The following USH2A variants were observed in gnomAD, a reference collection of about 807,000 sequenced individuals.
The protein encoded by USH2A is usherin, also known as Usher syndrome 2A (autosomal recessive, mild).
A neutral mutation model predicts 538.9 loss-of-function variants in USH2A; 443 were observed. The observed-to-expected ratio is 0.82, with a 90% CI of 0.76 to 0.89. The LOEUF (loss-of-function observed/expected upper bound fraction) is 0.89, where lower values mean the gene tolerates loss of function less well. Among genes scored for constraint, USH2A ranks in the 40% least tolerant of loss-of-function variants. The pLI is 0.00. For missense variants in USH2A, 6,633 were observed against 6,324.8 expected (o/e 1.05, Z -1.65); for synonymous variants, 2,413 against 2,273.5 (o/e 1.06, Z -1.75).
At chr1:216,013,346 GCC>G (rs1350784148) in intron 32 of USH2A, among the ~76,000 whole-genome samples, 1 of 151,040 alleles carries the variant, frequency 6.6e-6, no homozygotes, top group Admixed American at 6.6e-5. Flanking sequence ...GCTCGAAGCA[GCC>G]CTGAGAAACA....
At chr1:216,109,200 T>C (rs113771456) in intron 21 of USH2A, among the ~76,000 whole-genome samples, 140 of 152,328 alleles carry the variant, frequency 9.2e-4, no homozygotes, top group African/African-American at 3.2e-3. Context: ...GACTTTATCT[T>C]AGCAAAATTC....
intron 59 of USH2A, among the ~76,000 whole-genome samples, chr1:215,742,414 G>T (rs1385100850): frequency 1.3e-5 from 2 of 151,722 alleles, no homozygotes; most frequent in Non-Finnish European, 2.9e-5. Context: ...TAACATATAT[G>T]ATGAGATCAT....
At chr1:215,950,790 G>T (rs1297279767) in intron 37 of USH2A, among the ~76,000 whole-genome samples, 1 of 152,118 alleles carries the variant, frequency 6.6e-6, no homozygotes. Context: ...GTACAGGCAT[G>T]AGCCCCTGCA....
intron 6 of USH2A, among the ~76,000 whole-genome samples, 169 bp from the exon 7 acceptor site, chr1:216,324,521 C>A (rs1351084632): frequency 6.6e-6 from 1 of 152,048 alleles, no homozygotes; most frequent in East Asian, 1.9e-4. Context: ...GTAAAAGCAA[C>A]ATATTCTATA....
rs369544099 is a variant in USH2A, at chr1:215,675,290, G to A, written c.12621C>T (p.Ala4207=). Reference sequence around the variant, plus strand: ...ATTCTGTGAAAACAATTTTCTCGTCGGCCTGGATTGTCTGATTTCCCCAAG... The same window carrying A: ...ATTCTGTGAAAACAATTTTCTCGTCAGCCTGGATTGTCTGATTTCCCCAAG... The part of the protein sequence containing the change: ...GKAWGNQTIQ[A]DEKIVFTEYN... Residue 4207 remains alanine (A), a synonymous_variant, in exon 63 of 72, where the codon GCC becomes GCT. Transcript: ENST00000307340. 4.8e-5 allele frequency: 77 copies of A among 1,613,848 alleles called. No homozygotes were observed. In the Middle Eastern group the frequency reaches 4.9e-4, roughly 10 times the overall value.
intron 64 of USH2A, among the ~76,000 whole-genome samples, chr1:215,662,718 A>T (rs1385610011): frequency 6.6e-6 from 1 of 152,240 alleles, no homozygotes; most frequent in East Asian, 1.9e-4. Context: ...TGAGTCAGAC[A>T]ATATCAATAA....
chr1:216,335,360 A>T (rs2037948459), intron 4 of USH2A, among the ~76,000 whole-genome samples: 1 of 151,536 alleles, frequency 6.6e-6, no homozygotes, highest in Admixed American at 6.6e-5. Context: ...CAATAACCTA[A>T]TCTTCTACCT....
intron 5 of USH2A, 86 bp from the exon 6 acceptor site, chr1:216,325,685 G>T (rs142255865): frequency 9.8e-5 from 128 of 1,309,012 alleles, no homozygotes; most frequent in Non-Finnish European, 1.3e-4. Flanking sequence ...AATGTCACTC[G>T]TTTAGTGCTT....
chr1:216,101,341 A>G (rs1347607320), intron 21 of USH2A, among the ~76,000 whole-genome samples: 1 of 152,250 alleles, frequency 6.6e-6, no homozygotes, highest in Non-Finnish European at 1.5e-5. Flanking sequence ...GAATGGTAAC[A>G]TGCATAACTA....
chr1:215,712,269 A>G (rs1659357930), intron 61 of USH2A, among the ~76,000 whole-genome samples: 1 of 152,238 alleles, frequency 6.6e-6, no homozygotes, highest in South Asian at 2.1e-4. Context: ...ATTAAACATG[A>G]TTAGGTAAGG....
At chr1:216,153,729 C>G (rs931682235) in intron 21 of USH2A, among the ~76,000 whole-genome samples, 1 of 151,978 alleles carries the variant, frequency 6.6e-6, no homozygotes, top group Non-Finnish European at 1.5e-5. Context: ...GAAAAAAACC[C>G]TCAAAATAGG....
chr1:216,067,230 G>T (rs2031405393), intron 30 of USH2A, among the ~76,000 whole-genome samples: 1 of 152,058 alleles, frequency 6.6e-6, no homozygotes, highest in South Asian at 2.1e-4. Flanking sequence ...ATGGACATAG[G>T]GAGGGGAACA....
chr1:215,728,954 T>C (rs978757792), intron 60 of USH2A, among the ~76,000 whole-genome samples: 13 of 152,184 alleles, frequency 8.5e-5, no homozygotes, highest in Non-Finnish European at 1.9e-4. Flanking sequence ...GAAGCTATTA[T>C]TGGGAATCCT....
At chr1:216,012,155 C>T (rs967045972) in intron 32 of USH2A, among the ~76,000 whole-genome samples, 6 of 132,018 alleles carry the variant, frequency 4.5e-5, no homozygotes, top group African/African-American at 8.3e-5. Flanking sequence ...TTATTGATGG[C>T]AGTTCCACCA....
chr1:216,055,185 C>A (rs1210859121), intron 30 of USH2A, among the ~76,000 whole-genome samples: 1 of 152,188 alleles, frequency 6.6e-6, no homozygotes, highest in Non-Finnish European at 1.5e-5. Context: ...TTCCTCTCCC[C>A]AGGGTTTTCC....
At position 216,000,440 on chromosome 1, in the gene USH2A, C is replaced by A. The variant is rs756234447; in HGVS notation, c.6448G>T (p.Val2150Phe). The part of the protein sequence containing the change: ...QLPPEHVDSP[V>F]LTVLDSRTIH... ...GTTCTAGAATCCAGGACAGTCAGAA[C>A]TGGGGAATCCACGTGTTCTGGTGGC... Residue 2150 changes from valine to phenylalanine, a missense_variant, in exon 33 of 72, where the codon GTT (valine) becomes TTT (phenylalanine). Physicochemically the swap from Val to Phe is conservative, Grantham distance 50. Coordinates refer to ENST00000307340, the MANE Select transcript of USH2A (RefSeq NM_206933.4). 5 of 1,613,528 alleles carry A rather than the reference C, an allele frequency of 3.1e-6. No individual in the cohort carries two copies. In the African/African-American group the frequency reaches 6.7e-5, roughly 22 times the overall value.
At chr1:215,801,181 T>C (rs1391223290) in intron 49 of USH2A, among the ~76,000 whole-genome samples, 2 of 152,052 alleles carry the variant, frequency 1.3e-5, no homozygotes, top group Non-Finnish European at 2.9e-5. Context: ...CCTAATGTCA[T>C]ACTCAACAGT....
At chr1:215,858,777 T>C (rs890590219) in intron 44 of USH2A, among the ~76,000 whole-genome samples, 3 of 152,078 alleles carry the variant, frequency 2.0e-5, no homozygotes, top group Admixed American at 2.0e-4. Context: ...TTCTCAAATA[T>C]AGAACAGGCT....
rs2102554554 is a variant in USH2A, at chr1:216,078,339, C to T, written c.5322G>A (p.Leu1774=). The change falls in exon 27 of 72, where the codon TTG becomes TTA. Residue 1774 remains leucine, a synonymous_variant. Transcript: ENST00000307340. ...CAAGACTGGTATTTAACCGGAAGGT[C>T]AATATTCCACTTTTCAGCTCCATCT... ...FLAMELKSGI[L]TFRLNTSLAF... 6.2e-7 allele frequency: 1 copy of T among 1,613,514 alleles called. No homozygotes were observed. Among genetic ancestry groups the T allele is most frequent in the Non-Finnish European group, 8.5e-7 (1 of 1,179,644 alleles).
Sources: allele counts gnomAD v4.1 joint callset (sites outside exome capture counted in the v4.1 genomes callset), GRCh38; gene constraint gnomAD v4.1.1; transcripts MANE v1.5; gene names NCBI Gene and HGNC (gene_info 2026-07-23, HGNC 2026-07-21).